Variants in FSD1L observed in about 807,000 individuals in gnomAD.
FSD1L encodes fibronectin type III and SPRY domain containing 1 like.
Under a neutral mutation model 71.6 loss-of-function variants are expected in FSD1L, and 45 were observed. That is an observed-to-expected ratio of 0.63 (90% CI 0.49 to 0.81). The LOEUF is 0.81. Among genes scored for constraint, FSD1L ranks in the 30% least tolerant of loss-of-function variants. The pLI is 0.00. For synonymous variants in FSD1L, 197 were observed against 207.2 expected, an observed-to-expected ratio of 0.95 and a Z score of 0.42; for missense variants, 561 against 618.1, an observed-to-expected ratio of 0.91 and a Z score of 0.98.
At chr9:105,531,760 A>G (rs565841201) in intron 10 of FSD1L, among the ~76,000 whole-genome samples, 1 of 152,302 alleles carries the variant, frequency 6.6e-6, no homozygotes, top group East Asian at 1.9e-4. Flanking sequence ...TTCATTTCAG[A>G]TAATGTCACA....
At chr9:105,478,537 A>G (rs767161980) in intron 5 of FSD1L, among the ~76,000 whole-genome samples, 6 of 152,164 alleles carry the variant, frequency 3.9e-5, no homozygotes, top group Non-Finnish European at 5.9e-5. Context: ...TGTGGAGAAA[A>G]AAACTTTTGT....
chr9:105,451,652 C>T (rs1164642656), intron 1 of FSD1L, among the ~76,000 whole-genome samples: 2 of 152,164 alleles, frequency 1.3e-5, no homozygotes, highest in African/African-American at 2.4e-5. Context: ...TTCTGGGACG[C>T]TTTCGTGAAC....
intron 7 of FSD1L, among the ~76,000 whole-genome samples, chr9:105,491,615 G>T (rs1832944299): frequency 6.6e-6 from 1 of 151,942 alleles, no homozygotes; most frequent in Non-Finnish European, 1.5e-5. Context: ...TGCCCATTCA[G>T]TATGATATTG....
At chr9:105,442,268 G>A in the FSD1L span, among the ~76,000 whole-genome samples, 1 of 152,188 alleles carries the variant, frequency 6.6e-6, no homozygotes, top group Admixed American at 6.5e-5. Context: ...GTGGGGAGAG[G>A]AGATTCAGAG....
chr9:105,516,337 C>T (rs1834720302), intron 10 of FSD1L, among the ~76,000 whole-genome samples: 1 of 152,202 alleles, frequency 6.6e-6, no homozygotes, highest in Admixed American at 6.5e-5. Context: ...AGTTCAAGCT[C>T]TGCTAAGGGT....
At chr9:105,516,097 G>GA (rs1346491459) in intron 10 of FSD1L, among the ~76,000 whole-genome samples, 1 of 152,184 alleles carries the variant, frequency 6.6e-6, no homozygotes, top group Non-Finnish European at 1.5e-5. Flanking sequence ...GAACTAGGTA[G>GA]AGCCCACTGC....
At chr9:105,528,518 A>C (rs1835671229) in intron 10 of FSD1L, among the ~76,000 whole-genome samples, 1 of 152,226 alleles carries the variant, frequency 6.6e-6, no homozygotes, top group South Asian at 2.1e-4. Context: ...ACCTGACACA[A>C]ACAAGCAATG....
chr9:105,507,821 A>G (rs972810237), intron 8 of FSD1L, among the ~76,000 whole-genome samples: 6 of 151,844 alleles, frequency 4.0e-5, no homozygotes, highest in Non-Finnish European at 8.8e-5. Context: ...TTGATAAACT[A>G]TATGTGTTTC....
intron 7 of FSD1L, among the ~76,000 whole-genome samples, chr9:105,500,432 G>A (rs1833694550): frequency 6.6e-6 from 1 of 152,316 alleles, no homozygotes; most frequent in South Asian, 2.1e-4. Flanking sequence ...GTGGGCTGGG[G>A]TTGGTCTGGG....
chr9:105,493,109 C>T (rs900348324), intron 7 of FSD1L, among the ~76,000 whole-genome samples: 71 of 152,256 alleles, frequency 4.7e-4, no homozygotes, highest in Non-Finnish European at 7.6e-4. Context: ...GTTTTAAAGT[C>T]TCCCATTATT....
At chr9:105,517,464 C>T (rs938068321) in intron 10 of FSD1L, among the ~76,000 whole-genome samples, 1 of 152,240 alleles carries the variant, frequency 6.6e-6, no homozygotes, top group Admixed American at 6.5e-5. Flanking sequence ...GCAGATCTCT[C>T]TGCAGAAACC....
At chr9:105,544,320 A>G (rs962788308) in intron 13 of FSD1L, among the ~76,000 whole-genome samples, 36 of 152,042 alleles carry the variant, frequency 2.4e-4, no homozygotes, top group African/African-American at 7.2e-4. Flanking sequence ...TAGATTCTGG[A>G]TATTAGCCCT....
upstream of FSD1L, among the ~76,000 whole-genome samples, chr9:105,446,398 C>G (rs1829648510): frequency 6.6e-6 from 1 of 152,120 alleles, no homozygotes; most frequent in African/African-American, 2.4e-5. Flanking sequence ...GGGGTCTCAC[C>G]CTGTTGCCCA....
chr9:105,544,276 TG>T (rs1437098947), intron 13 of FSD1L, among the ~76,000 whole-genome samples: 1 of 152,214 alleles, frequency 6.6e-6, no homozygotes, highest in East Asian at 1.9e-4. Flanking sequence ...TTGATGGGGT[TG>T]TTTTTTTCTT....
At chr9:105,442,984 A>G (rs1564065790), upstream of FSD1L, among the ~76,000 whole-genome samples, 1 of 152,214 alleles carries the variant, frequency 6.6e-6, no homozygotes, top group Non-Finnish European at 1.5e-5. Flanking sequence ...TTTGAAGGCA[A>G]TGATCATATC....
chr9:105,524,890 A>T (rs1835412168), intron 10 of FSD1L: 1 of 1,597,206 alleles, frequency 6.3e-7, no homozygotes, highest in South Asian at 1.1e-5. Flanking sequence ...GAAAGTACTG[A>T]ACTTTCTCCT....
chr9:105,488,169 G>A (rs893472983), intron 7 of FSD1L, among the ~76,000 whole-genome samples: 1 of 152,170 alleles, frequency 6.6e-6, no homozygotes. Flanking sequence ...AATCCGCTGT[G>A]CCCCATATTT....
chr9:105,482,952 T>G (rs1832309186), intron 6 of FSD1L, among the ~76,000 whole-genome samples: 1 of 152,184 alleles, frequency 6.6e-6, no homozygotes, highest in Non-Finnish European at 1.5e-5. Context: ...TCAGTGAGCA[T>G]TTAGTAAGTA....
chr9:105,489,556 C>T (rs1832781655), intron 7 of FSD1L, among the ~76,000 whole-genome samples: 2 of 151,916 alleles, frequency 1.3e-5, no homozygotes, highest in Admixed American at 1.3e-4. Context: ...GTACAATGTG[C>T]AGGTTAGTTA....
Sources: gnomAD v4.1 joint callset for allele counts (sites outside exome capture counted in the v4.1 genomes callset) on GRCh38, gnomAD v4.1.1 for gene constraint, MANE v1.5 for transcripts, NCBI Gene and HGNC (gene_info 2026-07-23, HGNC 2026-07-21) for gene names.